Variants in TICRR observed in about 807,000 individuals in gnomAD.
TICRR encodes the protein treslin.
In TICRR, 132 loss-of-function variants were observed where a neutral mutation model predicts 178.1. The observed-to-expected ratio is 0.74, with a 90% CI of 0.64 to 0.86. The LOEUF (loss-of-function observed/expected upper bound fraction) is 0.86, where lower values mean the gene tolerates loss of function less well. Among genes scored for constraint, TICRR ranks in the 40% least tolerant of loss-of-function variants. The pLI, the probability that TICRR is intolerant of heterozygous loss-of-function variation, is 0.00. For missense variants in TICRR, 2,587 were observed against 2,334.3 expected (o/e 1.11, Z -2.23); for synonymous variants, 991 against 900.7 (o/e 1.10, Z -1.79).
intron 20 of TICRR, 35 bp from the exon 21 acceptor site, chr15:89,625,900 TG>T: frequency 1.3e-6 from 2 of 1,545,056 alleles, no homozygotes; most frequent in Non-Finnish European, 1.7e-6. Flanking sequence ...GTTGGGGGTC[TG>T]GGGACGCTGC....
At chr15:89,583,870 A>T (rs1962773259) in intron 2 of TICRR, among the ~76,000 whole-genome samples, 1 of 151,970 alleles carries the variant, frequency 6.6e-6, no homozygotes, top group African/African-American at 2.4e-5. Flanking sequence ...TATTTTTTGT[A>T]GAGATGGGGT....
chr15:89,583,093 A>G, intron 2 of TICRR, 128 bp downstream of exon 2: 1 of 1,096,676 alleles, frequency 9.1e-7, no homozygotes, highest in South Asian at 1.7e-5. Flanking sequence ...GTCATGAAAG[A>G]ATTAAAAGAC....
chr15:89,576,807 GTGTA>G (rs1447038592), intron 1 of TICRR, among the ~76,000 whole-genome samples: 1 of 17,050 alleles, frequency 5.9e-5, no homozygotes, highest in Non-Finnish European at 2.9e-4. Flanking sequence ...AGGGGTGTGT[GTGTA>G]TGTGTGTGTG....
At chr15:89,582,597 A>T in intron 1 of TICRR, 89 bp from the exon 2 acceptor site, 1 of 1,214,956 alleles carries the variant, frequency 8.2e-7, no homozygotes, top group Admixed American at 2.1e-5. Flanking sequence ...TAATATTGGT[A>T]TCAACTTTAC....
At chr15:89,587,031 T>G (rs1164611097) in intron 4 of TICRR, among the ~76,000 whole-genome samples, 1 of 152,168 alleles carries the variant, frequency 6.6e-6, no homozygotes, top group Non-Finnish European at 1.5e-5. Flanking sequence ...ATTACAATAA[T>G]CCAGGCAAGA....
At position 89,594,601 on chromosome 15, in the gene TICRR, T is replaced by G. The variant is rs147611037; in HGVS notation, c.1681+47T>G. On this transcript the variant is annotated intron_variant, in intron 6 of 21. Transcript: ENST00000268138. ...TTCTTAAGGCATTCTTTTTTGAGAC[T>G]GTATGTTTTAAAAGATGGGCATTTC... 7 of 1,459,066 alleles carry G rather than the reference T, an allele frequency of 4.8e-6. No homozygotes were observed. In the African/African-American group the frequency reaches 9.9e-5, roughly 21 times the overall value. The allele number at this position is 1,459,066 out of a possible 1,614,324, so 90.4% of individuals were successfully genotyped here.
In TICRR at chr15:89,599,142, G is replaced by A. The variant is rs183430714; in HGVS notation, c.1901-182G>A. Among the ~76,000 whole-genome samples, 13 of 151,658 alleles carry A rather than the reference G, an allele frequency of 8.6e-5. No individual in the cohort carries two copies. The East Asian group carries it at 2.5e-3, about 29-fold the overall frequency. On this transcript the variant is annotated intron_variant, in intron 7 of 21. Coordinates refer to ENST00000268138, the MANE Select transcript of TICRR (RefSeq NM_152259.4). ...TGTAGGATGTTTAACAGCATCCCTG[G>A]CTCCTACATACTAGATGGCCAGCAG...
At chr15:89,625,831 T>C (rs763958039) in intron 20 of TICRR, 45 bp downstream of exon 20, 1 of 1,562,358 alleles carries the variant, frequency 6.4e-7, no homozygotes. Context: ...TTTCTTTTGG[T>C]CAGAGTGCTT....
chr15:89,591,219 G>A (rs1018903063), intron 4 of TICRR, among the ~76,000 whole-genome samples: 3 of 152,108 alleles, frequency 2.0e-5, no homozygotes, highest in Non-Finnish European at 2.9e-5. Flanking sequence ...TCAGCCTCCC[G>A]GGTTCAAGCT....
Position 89,606,830 on chromosome 15 carries a change from A to G in TICRR, c.2722+5A>G. On this transcript the variant is annotated splice_donor_5th_base_variant and intron_variant, in intron 14 of 21. Coordinates refer to ENST00000268138, the MANE Select transcript of TICRR (RefSeq NM_152259.4). Reference sequence around the variant, plus strand: ...CAGTGAAAGATACAGTGCAAGGTATACTGTTTTCTCAGTGTATGTATTTAT... The same window carrying G: ...CAGTGAAAGATACAGTGCAAGGTATGCTGTTTTCTCAGTGTATGTATTTAT... 6.2e-7 allele frequency: 1 copy of G among 1,612,560 alleles called. No homozygotes were observed. The highest frequency in any genetic ancestry group is 8.5e-7 in the Non-Finnish European group (1 of 1,178,850).
chr15:89,576,821 GTATATATATATATATA>G (rs369518649), intron 1 of TICRR, among the ~76,000 whole-genome samples: 1,168 of 92,442 alleles, frequency 0.013, 30 homozygotes, highest in African/African-American at 0.043. Flanking sequence ...ATGTGTGTGT[GTATATATATATATATA>G]TATATATATA....
rs867522684 is a variant in TICRR, at chr15:89,626,013, C to A, written c.5554C>A (p.Leu1852Met). ...CCTCCAGGCTCTGACCCAGTCTCCGCTGCTGTTCCAGGGGAAAACACCTTC... is the reference window on the plus strand; with the variant it reads ...CCTCCAGGCTCTGACCCAGTCTCCGATGCTGTTCCAGGGGAAAACACCTTC... ...SALQALTQSP[L>M]LFQGKTPSSQ... Residue 1852 changes from leucine (L) to methionine (M), a missense_variant, in exon 21 of 22, where the codon CTG (leucine) becomes ATG (methionine). Leu to Met is a conservative substitution (Grantham distance 15). Coordinates refer to ENST00000268138, the MANE Select transcript of TICRR (RefSeq NM_152259.4). 6.2e-7 allele frequency: 1 copy of A among 1,613,614 alleles called. No homozygotes were observed. The highest frequency in any genetic ancestry group is 1.7e-4 in the Middle Eastern group (1 of 6,060).
chr15:89,582,866 C>G lies in TICRR; in HGVS notation c.835C>G (p.Leu279Val), dbSNP rs1203305713. ...TCATCTTTCTCCGTGGATTTCAATG[C>G]TGCCAACTGATGCCACTTTAAACCG... ...EPHLSPWISM[L>V]PTDATLNRLL... is the part of the protein sequence containing the mutation. The change falls in exon 2 of 22, where the codon CTG becomes GTG. Residue 279 changes from leucine to valine, a missense_variant. Leu to Val is a conservative substitution (Grantham distance 32). Coordinates refer to ENST00000268138, the MANE Select transcript of TICRR (RefSeq NM_152259.4). The G allele has an allele frequency of 6.2e-7, 1 of 1,614,198 alleles. No individual in the cohort carries two copies. The highest frequency in any genetic ancestry group is 8.5e-7 in the Non-Finnish European group (1 of 1,180,026).
chr15:89,623,213 G>A (rs1006131044), intron 19 of TICRR, among the ~76,000 whole-genome samples: 4 of 152,228 alleles, frequency 2.6e-5, no homozygotes, highest in African/African-American at 9.7e-5. Flanking sequence ...TGATCAGTAA[G>A]CACATGTTGA....
At position 89,624,115 on chromosome 15, in the gene TICRR, C is replaced by G; in HGVS notation, c.3805C>G (p.Pro1269Ala). ...GTPQNQTHQQPHVLRAARAEE... is the reference protein window; with the variant it reads ...GTPQNQTHQQAHVLRAARAEE... ...GCCTCAGAATCAAACACACCAACAG[C>G]CCCATGTCCTCAGAGCTGCTCGGGC... The change falls in exon 20 of 22, where the codon CCC becomes GCC. Residue 1269 changes from proline (P) to alanine (A), a missense_variant. Transcript: ENST00000268138. 6.2e-7 allele frequency: 1 copy of G among 1,613,922 alleles called. No homozygotes were observed. The highest frequency in any genetic ancestry group is 8.5e-7 in the Non-Finnish European group (1 of 1,180,006).
At chr15:89,618,937 G>A (rs1358954727) in intron 17 of TICRR, among the ~76,000 whole-genome samples, 7 of 152,172 alleles carry the variant, frequency 4.6e-5, no homozygotes, top group African/African-American at 1.2e-4. Context: ...CCAGCCTAGC[G>A]ACAGAGCAAG....
At chr15:89,593,700 A>G (rs762491381) in intron 5 of TICRR, among the ~76,000 whole-genome samples, 9 of 152,228 alleles carry the variant, frequency 5.9e-5, no homozygotes, top group Non-Finnish European at 1.2e-4. Context: ...AGCACCACAC[A>G]CTTAGGGAGG....
chr15:89,623,484 T>C, intron 19 of TICRR, 139 bp from the exon 20 acceptor site: 1 of 878,908 alleles, frequency 1.1e-6, no homozygotes, highest in Non-Finnish European at 1.7e-6. Context: ...GGGAAACGGG[T>C]CACTATTTGA....
Position 89,611,377 on chromosome 15 carries a change from C to T in TICRR, c.2869+2428C>T, listed in dbSNP as rs548653181. Among the ~76,000 whole-genome samples, 6 of 152,300 alleles carry T rather than the reference C, an allele frequency of 3.9e-5. No homozygotes were observed. In the East Asian group the frequency reaches 1.2e-3, roughly 29 times the overall value. The stretch of plus-strand genomic sequence containing the variant: ...GAAATCAACTATTAATCTTATTAAG[C>T]TGCTTCTCTATTGCTGCTTTCCAGA... On this transcript the variant is annotated intron_variant, in intron 15 of 21. Coordinates refer to ENST00000268138, the MANE Select transcript of TICRR (RefSeq NM_152259.4).
Sources: allele counts gnomAD v4.1 joint callset (sites outside exome capture counted in the v4.1 genomes callset), GRCh38; gene constraint gnomAD v4.1.1; transcripts MANE v1.5; gene names NCBI Gene and HGNC (gene_info 2026-07-23, HGNC 2026-07-21).